IGF1R: variants seen among roughly 807,000 people sequenced by gnomAD.
IGF1R encodes insulin-like growth factor 1 receptor.
IGF1R carries 44 observed loss-of-function variants against 144.6 expected under a neutral mutation model. The observed-to-expected ratio is 0.30, with a 90% CI of 0.24 to 0.39. The LOEUF is 0.39. IGF1R is among the 10% of genes least tolerant of loss of function. The probability of loss-of-function intolerance (pLI) is 1.00; values close to 1 mark genes in which losing one functional copy is unlikely to be tolerated. For synonymous variants in IGF1R, 795 were observed against 722.8 expected (o/e 1.10, Z -1.60); for missense variants, 1,355 against 1,833.7 (o/e 0.74, Z 4.77).
chr15:98,722,452 A>G (rs189672104), intron 2 of IGF1R, among the ~76,000 whole-genome samples: 157 of 152,340 alleles, frequency 1.0e-3, no homozygotes, highest in African/African-American at 3.2e-3. Flanking sequence ...AAACTTTGCC[A>G]GGCATTTGGA....
intron 2 of IGF1R, among the ~76,000 whole-genome samples, chr15:98,790,023 G>A (rs982521794): frequency 6.6e-6 from 1 of 152,200 alleles, no homozygotes; most frequent in Non-Finnish European, 1.5e-5. Context: ...TGTGCTCTAG[G>A]ATTTTGCCTC....
chr15:98,946,564 C>G (rs1193959218), intron 19 of IGF1R, among the ~76,000 whole-genome samples: 1 of 152,088 alleles, frequency 6.6e-6, no homozygotes, highest in African/African-American at 2.4e-5. Flanking sequence ...CAGATGTGAG[C>G]CTGGGTGGAC....
chr15:98,685,211 C>G (rs1195981239), intron 1 of IGF1R, among the ~76,000 whole-genome samples: 1 of 152,146 alleles, frequency 6.6e-6, no homozygotes, highest in Non-Finnish European at 1.5e-5. Context: ...TCCCAAAGTT[C>G]TGGGATTACA....
chr15:98,686,345 C>T (rs2053327649), intron 1 of IGF1R, among the ~76,000 whole-genome samples: 2 of 152,196 alleles, frequency 1.3e-5, no homozygotes, highest in Admixed American at 6.5e-5. Flanking sequence ...AGTTGCTCCC[C>T]CGCTTTGGCT....
intron 1 of IGF1R, among the ~76,000 whole-genome samples, chr15:98,671,179 G>A (rs2141196292): frequency 6.6e-6 from 1 of 152,324 alleles, no homozygotes; most frequent in East Asian, 1.9e-4. Context: ...ATGTCTGAAA[G>A]CATTCATGCA....
chr15:98,878,877 T>A (rs1168964913), intron 2 of IGF1R, among the ~76,000 whole-genome samples: 13 of 151,634 alleles, frequency 8.6e-5, no homozygotes, highest in Admixed American at 8.5e-4. Flanking sequence ...GCGCCTATAA[T>A]CCCAGCTACT....
At chr15:98,938,688 G>A (rs977338001) in intron 17 of IGF1R, among the ~76,000 whole-genome samples, 2 of 152,150 alleles carry the variant, frequency 1.3e-5, no homozygotes, top group Non-Finnish European at 2.9e-5. Context: ...GAAGGTTGAA[G>A]GGAAAGAAAA....
At chr15:98,829,403 C>G (rs1435787060) in intron 2 of IGF1R, among the ~76,000 whole-genome samples, 1 of 152,010 alleles carries the variant, frequency 6.6e-6, no homozygotes, top group African/African-American at 2.4e-5. Context: ...GTTTCTTTCC[C>G]CCTCTATCCG....
chr15:98,829,751 A>G (rs1472925739), intron 2 of IGF1R, among the ~76,000 whole-genome samples: 2 of 152,202 alleles, frequency 1.3e-5, no homozygotes, highest in Non-Finnish European at 2.9e-5. Context: ...TAATACTGGC[A>G]TTCATTGCCT....
At chr15:98,876,039 C>A (rs1001217501) in intron 2 of IGF1R, among the ~76,000 whole-genome samples, 1 of 152,122 alleles carries the variant, frequency 6.6e-6, no homozygotes, top group Non-Finnish European at 1.5e-5. Flanking sequence ...CAAAATAATT[C>A]ACTTTACAAT....
chr15:98,881,211 G>C (rs993720606), intron 2 of IGF1R, among the ~76,000 whole-genome samples: 3 of 152,150 alleles, frequency 2.0e-5, no homozygotes, highest in African/African-American at 7.2e-5. Context: ...TTAGTGTGGC[G>C]GAGAAAAGGG....
intron 2 of IGF1R, among the ~76,000 whole-genome samples, chr15:98,884,873 C>G (rs751896066): frequency 2.6e-5 from 4 of 152,012 alleles, no homozygotes; most frequent in Non-Finnish European, 5.9e-5. Context: ...GTCCAAACTC[C>G]TATTGCTGGA....
In IGF1R at chr15:98,935,514, T is replaced by A; in HGVS notation, c.3297+88T>A. On this transcript the variant is annotated intron_variant, in intron 17 of 20. Coordinates refer to ENST00000650285, the MANE Select transcript of IGF1R (RefSeq NM_000875.5). This position sits in a 1 kb window ranked among gnomAD's most constrained non-coding sequence, Gnocchi z 4.2. ...TCCCTGCAAGGAAATGCTGTGTCTTTAAATCAGTTTACTTTCCAGCATCCA... is the reference window on the plus strand; with the variant it reads ...TCCCTGCAAGGAAATGCTGTGTCTTAAAATCAGTTTACTTTCCAGCATCCA... 1 of 815,170 alleles carries A rather than the reference T, an allele frequency of 1.2e-6. No individual in the cohort carries two copies. Among genetic ancestry groups the A allele is most frequent in the Non-Finnish European group, 2.1e-6 (1 of 473,834 alleles). 50.5% of individuals were successfully genotyped at this position (815,170 alleles called of 1,614,324 possible). A position where few individuals can be genotyped will look rare whatever the true frequency, so the allele number is the denominator to read the frequency against.
At chr15:98,842,184 A>G (rs1316193473) in intron 2 of IGF1R, among the ~76,000 whole-genome samples, 1 of 152,244 alleles carries the variant, frequency 6.6e-6, no homozygotes, top group South Asian at 2.1e-4. Flanking sequence ...TTGGCAAGCC[A>G]CATAACTACC....
intron 5 of IGF1R, among the ~76,000 whole-genome samples, chr15:98,906,984 C>G (rs1297278086): frequency 2.0e-5 from 3 of 152,214 alleles, no homozygotes. Context: ...GCTTGTGATG[C>G]AGATTCCGTG....
At chr15:98,780,014 G>A (rs1036245777) in intron 2 of IGF1R, among the ~76,000 whole-genome samples, 1 of 152,080 alleles carries the variant, frequency 6.6e-6, no homozygotes, top group African/African-American at 2.4e-5. Context: ...ACTTGCATGG[G>A]AGGTTATCCG....
At chr15:98,680,864 C>CTTT (rs71149411) in intron 1 of IGF1R, among the ~76,000 whole-genome samples, 34,801 of 142,250 alleles carry the variant, frequency 0.24, 5,304 homozygotes, top group Middle Eastern at 0.37. Context: ...GCCATATGTA[C>CTTT]TTTTTTTTTT....
intron 2 of IGF1R, among the ~76,000 whole-genome samples, chr15:98,770,252 T>C (rs8031382): frequency 0.73 from 111,029 of 152,154 alleles, 42,779 homozygotes; most frequent in Non-Finnish European, 0.84. Flanking sequence ...CAAAAACAGA[T>C]ATTGCGTGTT....
chr15:98,789,978 G>T lies in IGF1R; in HGVS notation c.640+81871G>T, dbSNP rs145643110. Among the ~76,000 whole-genome samples, 544 of 152,316 alleles carry T rather than the reference G, an allele frequency of 3.6e-3. 7 individuals are homozygous for T. The highest frequency in any genetic ancestry group is 0.012 in the African/African-American group (516 of 41,574). On this transcript the variant is annotated intron_variant, in intron 2 of 20. Coordinates refer to ENST00000650285, the MANE Select transcript of IGF1R (RefSeq NM_000875.5). Reference sequence around the variant, plus strand: ...TTTAGTGTCTGTGACTTAGCCAAAGGAAATGTACATTAACTGTTCAGTTTC... The same window carrying T: ...TTTAGTGTCTGTGACTTAGCCAAAGTAAATGTACATTAACTGTTCAGTTTC...
Sources: allele counts gnomAD v4.1 joint callset (sites outside exome capture counted in the v4.1 genomes callset), GRCh38; gene constraint gnomAD v4.1.1; non-coding constraint Gnocchi (gnomAD v3.1); transcripts MANE v1.5; gene names NCBI Gene and HGNC (gene_info 2026-07-23, HGNC 2026-07-21).